FUT9: variants seen among roughly 807,000 people sequenced by gnomAD.
The protein encoded by FUT9 is fucosyltransferase 9, also known as 4-galactosyl-N-acetylglucosaminide 3-alpha-L-fucosyltransferase 9.
Under a neutral mutation model 29.7 loss-of-function variants are expected in FUT9, and 15 were observed. The observed-to-expected ratio is 0.51, with a 90% confidence interval of 0.34 to 0.78. The LOEUF (loss-of-function observed/expected upper bound fraction) is 0.78, where lower values mean the gene tolerates loss of function less well. FUT9 is among the 30% of genes least tolerant of loss of function. The pLI is 0.01. For synonymous variants in FUT9, 169 were observed against 153.7 expected (o/e 1.10, Z -0.74); for missense variants, 319 against 425.4 (o/e 0.75, Z 2.20).
In FUT9 at chr6:96,043,039, T is replaced by A. The variant is rs190330488; in HGVS notation, c.-98+26827T>A. On this transcript the variant is annotated intron_variant, in intron 1 of 2. Transcript: ENST00000302103. Reference sequence around the variant, plus strand: ...TGGTGAGTATTACATAAATTTAGATTTGATCAATTCACAAGATTGTCGTTT... The same window carrying A: ...TGGTGAGTATTACATAAATTTAGATATGATCAATTCACAAGATTGTCGTTT... Among the ~76,000 whole-genome samples the A allele has an allele frequency of 1.9e-4, 29 of 152,322 alleles. 1 individual carries two copies. In the East Asian group the frequency reaches 4.6e-3, roughly 24 times the overall value.
intron 1 of FUT9, among the ~76,000 whole-genome samples, chr6:96,026,455 G>A (rs1030372251): frequency 1.3e-5 from 2 of 151,472 alleles, no homozygotes; most frequent in African/African-American, 2.4e-5. Flanking sequence ...TTAAAGAATT[G>A]GGAATTTCTA....
intron 2 of FUT9, among the ~76,000 whole-genome samples, chr6:96,156,633 C>T (rs1310285107): frequency 6.6e-6 from 1 of 152,094 alleles, no homozygotes; most frequent in Non-Finnish European, 1.5e-5. Flanking sequence ...TTTAGGCAAG[C>T]CTGCTGTACA....
At position 96,056,419 on chromosome 6, in the gene FUT9, T is replaced by C. The variant is rs550305768; in HGVS notation, c.-98+40207T>C. 2.0e-5 allele frequency among the ~76,000 whole-genome samples: 3 copies of C among 152,368 alleles called. No homozygotes were observed. The East Asian group carries it at 5.8e-4, about 29-fold the overall frequency. The stretch of plus-strand genomic sequence containing the variant: ...TACTACAAACAGGCATATCTGCTTT[T>C]AGTTTTCTTTTATTAATTGTTTATG... On this transcript the variant is annotated intron_variant, in intron 1 of 2. Coordinates refer to ENST00000302103, the MANE Select transcript of FUT9 (RefSeq NM_006581.4).
chr6:96,099,137 G>A (rs939979668), intron 1 of FUT9, among the ~76,000 whole-genome samples: 1 of 152,088 alleles, frequency 6.6e-6, no homozygotes, highest in African/African-American at 2.4e-5. Flanking sequence ...ACCTTAGGAT[G>A]TGAAAATCTG....
intron 1 of FUT9, among the ~76,000 whole-genome samples, chr6:96,097,860 A>G (rs974770269): frequency 3.3e-5 from 5 of 152,158 alleles, no homozygotes; most frequent in African/African-American, 1.2e-4. Context: ...AATATTTTTA[A>G]ATCATCATTT....
chr6:96,064,594 C>A (rs943223738), intron 1 of FUT9, among the ~76,000 whole-genome samples: 5 of 152,094 alleles, frequency 3.3e-5, no homozygotes, highest in Admixed American at 1.3e-4. Context: ...ACACACTGAT[C>A]TACATTGAAA....
At chr6:96,113,324 C>A (rs879788646) in intron 1 of FUT9, among the ~76,000 whole-genome samples, 3 of 151,582 alleles carry the variant, frequency 2.0e-5, no homozygotes, top group Admixed American at 6.6e-5. Context: ...TTGCAACTTC[C>A]ATTTCCGAGG....
chr6:96,094,575 G>T (rs887378745), intron 1 of FUT9, among the ~76,000 whole-genome samples: 1 of 152,028 alleles, frequency 6.6e-6, no homozygotes, highest in Admixed American at 6.6e-5. Flanking sequence ...ATATTGGGTT[G>T]GTACTATCAG....
At chr6:96,148,974 G>T (rs1259042871) in intron 2 of FUT9, among the ~76,000 whole-genome samples, 1 of 151,940 alleles carries the variant, frequency 6.6e-6, no homozygotes, top group Admixed American at 6.6e-5. Flanking sequence ...GGCCAATATG[G>T]TGAAACCTTG....
intron 1 of FUT9, among the ~76,000 whole-genome samples, chr6:96,066,806 G>A (rs908399951): frequency 6.6e-5 from 10 of 152,008 alleles, no homozygotes; most frequent in African/African-American, 1.9e-4. Flanking sequence ...GATTTTCCTC[G>A]TTCTCCTCCC....
chr6:96,050,931 C>T (rs1770655222), intron 1 of FUT9, among the ~76,000 whole-genome samples: 1 of 152,070 alleles, frequency 6.6e-6, no homozygotes, highest in Admixed American at 6.6e-5. Flanking sequence ...TGTAAGACCT[C>T]ATTGCTATTT....
intron 1 of FUT9, among the ~76,000 whole-genome samples, chr6:96,112,595 T>C (rs2127961276): frequency 6.6e-6 from 1 of 152,266 alleles, no homozygotes; most frequent in Non-Finnish European, 1.5e-5. Flanking sequence ...TCTACTGCTT[T>C]AGGAAAGAAA....
chr6:96,205,731 A>G lies in FUT9; in HGVS notation c.*1496A>G, dbSNP rs1773816360. Reference sequence around the variant, plus strand: ...CCTTTCAGGCCAATAATCCACCCAAAAATTAGAATGTTCTGAGACATCCAT... The same window carrying G: ...CCTTTCAGGCCAATAATCCACCCAAGAATTAGAATGTTCTGAGACATCCAT... On this transcript the variant is annotated 3_prime_UTR_variant, in exon 3 of 3. Transcript: ENST00000302103. 1 of 166,484 alleles carries G rather than the reference A, an allele frequency of 6.0e-6. No individual in the cohort carries two copies. Among genetic ancestry groups the G allele is most frequent in the Admixed American group, 6.5e-5 (1 of 15,276 alleles). 10.3% of individuals were successfully genotyped at this position (166,484 alleles called of 1,614,324 possible).
chr6:96,024,974 A>G (rs997985681), intron 1 of FUT9, among the ~76,000 whole-genome samples: 13 of 151,910 alleles, frequency 8.6e-5, no homozygotes, highest in Non-Finnish European at 1.3e-4. Context: ...ATTACTTCCA[A>G]GTGGATCTAA....
At chr6:96,147,053 C>T (rs949973465) in intron 2 of FUT9, among the ~76,000 whole-genome samples, 2 of 152,094 alleles carry the variant, frequency 1.3e-5, no homozygotes, top group Non-Finnish European at 2.9e-5. Flanking sequence ...TCAGTGCAAA[C>T]ACAATTACCT....
At chr6:96,146,241 T>C (rs532531945) in intron 2 of FUT9, among the ~76,000 whole-genome samples, 1 of 152,292 alleles carries the variant, frequency 6.6e-6, no homozygotes, top group Admixed American at 6.5e-5. Context: ...CTGCAGGGGC[T>C]ACTCTGGGCC....
At chr6:96,158,006 A>G (rs1772822884) in intron 2 of FUT9, among the ~76,000 whole-genome samples, 1 of 152,196 alleles carries the variant, frequency 6.6e-6, no homozygotes, top group Non-Finnish European at 1.5e-5. Flanking sequence ...GTCTTAAAGA[A>G]TCACTAATAG....
intron 1 of FUT9, chr6:96,036,709 AC>A (rs1479356441): frequency 5.3e-5 from 8 of 151,876 alleles, no homozygotes. Flanking sequence ...CAGATTAAAA[AC>A]CATTGCTGTG....
intron 2 of FUT9, among the ~76,000 whole-genome samples, chr6:96,146,524 A>C (rs1772570678): frequency 6.6e-6 from 1 of 152,152 alleles, no homozygotes; most frequent in Non-Finnish European, 1.5e-5. Flanking sequence ...GAATTTAATA[A>C]TTTGGTAAGT....
Sources: allele counts gnomAD v4.1 joint callset (sites outside exome capture counted in the v4.1 genomes callset), GRCh38; gene constraint gnomAD v4.1.1; transcripts MANE v1.5; gene names NCBI Gene and HGNC (gene_info 2026-07-23, HGNC 2026-07-21).